Variants in CCSER1 observed in about 807,000 individuals in gnomAD.
The protein encoded by CCSER1 is coiled-coil serine rich protein 1.
Under a neutral mutation model 82.0 loss-of-function variants are expected in CCSER1, and 41 were observed. That is an observed-to-expected ratio of 0.50 (90% CI 0.39 to 0.65). The LOEUF (loss-of-function observed/expected upper bound fraction) is 0.65. CCSER1 is among the 30% of genes least tolerant of loss of function. The probability of loss-of-function intolerance (pLI) is 0.00; values close to 1 mark genes in which losing one functional copy is unlikely to be tolerated. For synonymous variants in CCSER1, 414 were observed against 383.9 expected (o/e 1.08, Z -0.92); for missense variants, 1,119 against 1,064.2 (o/e 1.05, Z -0.72).
chr4:90,716,388 C>T (rs954475758), intron 6 of CCSER1, among the ~76,000 whole-genome samples: 3 of 151,822 alleles, frequency 2.0e-5, no homozygotes, highest in Non-Finnish European at 4.4e-5. Flanking sequence ...ATAACCTAAG[C>T]TCCAAAAATG....
chr4:90,551,955 C>G (rs943407529), intron 5 of CCSER1, among the ~76,000 whole-genome samples: 1 of 151,980 alleles, frequency 6.6e-6, no homozygotes, highest in Non-Finnish European at 1.5e-5. Context: ...GAGGGCTATT[C>G]TCTGTTTTCA....
intron 6 of CCSER1, among the ~76,000 whole-genome samples, chr4:90,719,039 AACTTCCT>A (rs1742191406): frequency 6.6e-6 from 1 of 151,934 alleles, no homozygotes; most frequent in Non-Finnish European, 1.5e-5. Context: ...AGGGCTCCTC[AACTTCCT>A]GGCCACGGAC....
chr4:91,383,759 A>T (rs1269624754), intron 10 of CCSER1, among the ~76,000 whole-genome samples: 1 of 152,204 alleles, frequency 6.6e-6, no homozygotes, highest in Non-Finnish European at 1.5e-5. Flanking sequence ...AGATTAAAAT[A>T]TATTAAGTGA....
chr4:90,582,925 A>G (rs952819029), intron 5 of CCSER1, among the ~76,000 whole-genome samples: 3 of 152,206 alleles, frequency 2.0e-5, no homozygotes, highest in African/African-American at 7.2e-5. Context: ...AATTTGCAAA[A>G]TTACTTGTAT....
intron 9 of CCSER1, among the ~76,000 whole-genome samples, chr4:90,991,816 T>C (rs1737056751): frequency 6.6e-6 from 1 of 152,076 alleles, no homozygotes; most frequent in Admixed American, 6.6e-5. Flanking sequence ...TCTCTCCTTT[T>C]TTCAGCGAAG....
chr4:90,361,376 T>G lies in CCSER1; in HGVS notation c.1510-38660T>G, dbSNP rs577392775. ...TTTGTTTTACAATATCTAACTAAAA[T>G]AAAATTACAACTTACTTTCTTCTAT... On this transcript the variant is annotated intron_variant, in intron 3 of 10. Coordinates refer to ENST00000509176, the MANE Select transcript of CCSER1 (RefSeq NM_001145065.2). Among the ~76,000 whole-genome samples the G allele has an allele frequency of 3.9e-5, 6 of 152,348 alleles. No individual in the cohort carries two copies. The East Asian group carries it at 9.6e-4, about 24-fold the overall frequency.
rs373213361 is a variant in CCSER1 at position 90,308,499 on chromosome 4, A to G, written c.215A>G (p.His72Arg). The G allele has an allele frequency of 1.9e-6, 3 of 1,613,786 alleles. No individual in the cohort carries two copies. In the African/African-American group the frequency reaches 4.0e-5, roughly 22 times the overall value. Residue 72 changes from histidine (H) to arginine (R), a missense_variant, in exon 2 of 11, where the codon CAT becomes CGT. Transcript: ENST00000509176. Reference sequence around the variant, plus strand: ...CGTACTCCTTCCATTAGCTTCCACCATAAGAAGGGGAGTGAGCCTAAGCAA... The same window carrying G: ...CGTACTCCTTCCATTAGCTTCCACCGTAAGAAGGGGAGTGAGCCTAAGCAA... ...IFRTPSISFHHKKGSEPKQEP... is the reference protein window; with the variant it reads ...IFRTPSISFHRKKGSEPKQEP...
chr4:91,077,603 G>A (rs960853364), intron 9 of CCSER1, among the ~76,000 whole-genome samples: 12 of 152,132 alleles, frequency 7.9e-5, no homozygotes, highest in African/African-American at 2.7e-4. Context: ...ATCTCACTGG[G>A]GCTTGCCAGA....
chr4:91,343,728 TAAGA>T (rs1203011715), intron 10 of CCSER1, among the ~76,000 whole-genome samples: 2 of 152,114 alleles, frequency 1.3e-5, no homozygotes, highest in Non-Finnish European at 2.9e-5. Context: ...CCTCTTACTT[TAAGA>T]AAGAGAGAGG....
At chr4:91,106,575 T>G (rs182975355) in intron 10 of CCSER1, among the ~76,000 whole-genome samples, 24 of 152,328 alleles carry the variant, frequency 1.6e-4, no homozygotes, top group Admixed American at 7.8e-4. Context: ...AGGTGTTATC[T>G]CATCCAAGAC....
intron 8 of CCSER1, among the ~76,000 whole-genome samples, chr4:90,881,963 C>G (rs1396044939): frequency 6.6e-6 from 1 of 151,270 alleles, no homozygotes; most frequent in African/African-American, 2.4e-5. Context: ...TTTTCAAATT[C>G]TAGACAGTTG....
chr4:91,504,696 A>T (rs1469716840), intron 10 of CCSER1, among the ~76,000 whole-genome samples: 1 of 139,586 alleles, frequency 7.2e-6, no homozygotes. Flanking sequence ...TCAGATTCTT[A>T]TGTTTCTTAT....
chr4:90,997,127 GAA>G (rs1175927455), intron 9 of CCSER1, among the ~76,000 whole-genome samples: 1 of 152,166 alleles, frequency 6.6e-6, no homozygotes, highest in African/African-American at 2.4e-5. Flanking sequence ...GTGGGAGTTA[GAA>G]ATCTCAGTGG....
chr4:90,225,911 C>T (rs1743078927), intron 1 of CCSER1, among the ~76,000 whole-genome samples: 1 of 152,190 alleles, frequency 6.6e-6, no homozygotes, highest in South Asian at 2.1e-4. Context: ...AGGAGATAAA[C>T]TTGTGACTTG....
chr4:90,656,133 A>G (rs1268823918), intron 6 of CCSER1, among the ~76,000 whole-genome samples: 1 of 151,864 alleles, frequency 6.6e-6, no homozygotes, highest in East Asian at 1.9e-4. Context: ...CTCTTTTTAA[A>G]AGTTTTTAAA....
intron 1 of CCSER1, among the ~76,000 whole-genome samples, chr4:90,198,203 C>A (rs2153402461): frequency 6.6e-6 from 1 of 152,202 alleles, no homozygotes; most frequent in African/African-American, 2.4e-5. Context: ...CTTCTTCCTT[C>A]CCCTGAAGTT....
chr4:90,752,083 C>A lies in CCSER1; in HGVS notation c.2010+28092C>A, dbSNP rs531291029. ...ACAAGCTTTAATTTATTGAGCACTT[C>A]CAATGCGCTAGACACATTTTAATTT... On this transcript the variant is annotated intron_variant, in intron 7 of 10. Coordinates refer to ENST00000509176, the MANE Select transcript of CCSER1 (RefSeq NM_001145065.2). Among the ~76,000 whole-genome samples, 21 of 152,192 alleles carry A rather than the reference C, an allele frequency of 1.4e-4. No individual in the cohort carries two copies. The South Asian group carries it at 3.9e-3, about 29-fold the overall frequency.
intron 10 of CCSER1, among the ~76,000 whole-genome samples, chr4:91,296,833 AC>A (rs1434785146): frequency 6.6e-6 from 1 of 151,696 alleles, no homozygotes; most frequent in Non-Finnish European, 1.5e-5. Flanking sequence ...AAATAATGAC[AC>A]AGTATGCAAG....
intron 9 of CCSER1, among the ~76,000 whole-genome samples, chr4:90,994,938 T>G (rs1219588491): frequency 6.6e-6 from 1 of 152,190 alleles, no homozygotes; most frequent in African/African-American, 2.4e-5. Context: ...TTATTCTAAA[T>G]GCAGTTATTA....
Sources: allele counts gnomAD v4.1 joint callset (sites outside exome capture counted in the v4.1 genomes callset), GRCh38; gene constraint gnomAD v4.1.1; transcripts MANE v1.5; gene names NCBI Gene and HGNC (gene_info 2026-07-23, HGNC 2026-07-21).